The following PES1 variants were observed in gnomAD, a reference collection of about 807,000 sequenced individuals.
PES1 encodes the protein pescadillo homolog.
PES1 carries 31 observed loss-of-function variants against 77.1 expected under a neutral mutation model. The observed-to-expected ratio is 0.40, with a 90% CI of 0.30 to 0.54. The LOEUF (loss-of-function observed/expected upper bound fraction) is 0.54. Among genes scored for constraint, PES1 ranks in the 20% least tolerant of loss-of-function variants. PES1 has a pLI of 0.45. For synonymous variants in PES1, 282 were observed against 303.0 expected, an observed-to-expected ratio of 0.93 and a Z score of 0.72; for missense variants, 658 against 771.7, an observed-to-expected ratio of 0.85 and a Z score of 1.75.
intron 1 of PES1, among the ~76,000 whole-genome samples, chr22:30,605,926 G>A (rs1425797137): frequency 6.6e-6 from 1 of 152,230 alleles, no homozygotes; most frequent in Admixed American, 6.5e-5. Flanking sequence ...AATGATTGGA[G>A]ATATTTTAAG....
chr22:30,600,198 G>A (rs183976158), intron 2 of PES1, among the ~76,000 whole-genome samples: 40 of 152,258 alleles, frequency 2.6e-4, no homozygotes, highest in African/African-American at 9.1e-4. Context: ...GCCAGGTGTG[G>A]TGGCACAAGC....
intron 2 of PES1, among the ~76,000 whole-genome samples, chr22:30,602,219 TAGAG>T (rs1156899422): frequency 4.6e-5 from 7 of 152,120 alleles, no homozygotes; most frequent in Non-Finnish European, 7.4e-5. Context: ...GTTCTCATGA[TAGAG>T]AGGGAGTTCT....
chr22:30,585,839 G>A (rs192646542), intron 4 of PES1, among the ~76,000 whole-genome samples: 1 of 152,218 alleles, frequency 6.6e-6, no homozygotes, highest in Admixed American at 6.5e-5. Context: ...ACTCACTGCT[G>A]CGAGTCAGAA....
At chr22:30,599,947 T>A (rs1027128436) in intron 2 of PES1, among the ~76,000 whole-genome samples, 1 of 152,116 alleles carries the variant, frequency 6.6e-6, no homozygotes, top group African/African-American at 2.4e-5. Context: ...ATATGATAAA[T>A]GCTTATAAAT....
intron 2 of PES1, among the ~76,000 whole-genome samples, chr22:30,600,305 T>A (rs987519471): frequency 6.6e-6 from 1 of 152,130 alleles, no homozygotes; most frequent in African/African-American, 2.4e-5. Flanking sequence ...AGGTTTTTTA[T>A]CTTCAGCCTC....
rs1313965787 is a variant in PES1, at chr22:30,579,137, C to T, written c.1521G>A (p.Lys507=). The change falls in exon 13 of 15, where the codon AAG becomes AAA. Residue 507 remains lysine (K), a splice_region_variant and synonymous_variant. Coordinates refer to ENST00000354694, the MANE Select transcript of PES1 (RefSeq NM_014303.4). ...AGCCCCGCATTGCAGCTCCCCCTAC[C>T]TTCCCCTCCATCCTCTGCTCTTCCA... ...AALEEQRMEG[K]KPRVMAGTLK... The T allele has an allele frequency of 6.2e-7, 1 of 1,608,692 alleles. No individual in the cohort carries two copies. The highest frequency in any genetic ancestry group is 1.7e-5 in the Admixed American group (1 of 59,994).
upstream of PES1, among the ~76,000 whole-genome samples, chr22:30,596,685 A>G (rs4820876): frequency 0.6 from 91,450 of 151,686 alleles, 27,915 homozygotes; most frequent in Middle Eastern, 0.67. Flanking sequence ...GTACTGAGAG[A>G]TGATGCGTGC....
chr22:30,597,880 T>G (rs2087283937), intron 2 of PES1, among the ~76,000 whole-genome samples: 2 of 34,408 alleles, frequency 5.8e-5, no homozygotes, highest in South Asian at 6.1e-4. Context: ...AGTTGAAGTT[T>G]TGTTTTTTTT....
At position 30,597,895 on chromosome 22, in the gene PES1, T is replaced by C. The variant is rs79462069; in HGVS notation, c.-660-5497A>G. The stretch of plus-strand genomic sequence containing the variant: ...AGTTGAAGTTTTGTTTTTTTTTTTT[T>C]TGTTTTGAGTCGGAGTCTCACTCTG... On this transcript the variant is annotated intron_variant, in intron 2 of 16. Transcript: ENST00000402281. Among the ~76,000 whole-genome samples, 10 of 130,542 alleles carry C rather than the reference T, an allele frequency of 7.7e-5. No homozygotes were observed. In the East Asian group the frequency reaches 8.1e-4, roughly 11 times the overall value. 85.6% of individuals were successfully genotyped at this position (130,542 alleles called of 152,430 possible).
chr22:30,579,773 A>C lies in PES1; in HGVS notation c.1332T>G (p.Ala444=). The stretch of plus-strand genomic sequence containing the variant: ...CACCTGGGTCCTCTCCCCGCTGCAG[A>C]GCCAGCAGCTTCAGCTTCTCAGGTG... The part of the protein sequence containing the change: ...YVPPEKLKLL[A]LQRGEDPGNL... The change falls in exon 12 of 15, where the codon GCT becomes GCG. Residue 444 remains alanine, a synonymous_variant. Transcript: ENST00000354694. The C allele has an allele frequency of 6.2e-7, 1 of 1,613,860 alleles. No homozygotes were observed.
chr22:30,599,069 T>C (rs931689521), intron 2 of PES1, among the ~76,000 whole-genome samples: 4 of 151,772 alleles, frequency 2.6e-5, no homozygotes, highest in African/African-American at 9.7e-5. Flanking sequence ...AGCTACTTTT[T>C]GTATTTTTAG....
At chr22:30,579,081 C>G in intron 13 of PES1, 56 bp downstream of exon 13, 1 of 1,604,172 alleles carries the variant, frequency 6.2e-7, no homozygotes. Context: ...TAGGCCAGAG[C>G]AGGCACCAAG....
chr22:30,602,346 C>T (rs1298327889), intron 2 of PES1, among the ~76,000 whole-genome samples: 1 of 152,116 alleles, frequency 6.6e-6, no homozygotes, highest in Admixed American at 6.6e-5. Context: ...TTTTCTGAGG[C>T]CTCCCCAGCC....
At chr22:30,593,466 C>G (rs2087212309), upstream of PES1, among the ~76,000 whole-genome samples, 1 of 151,846 alleles carries the variant, frequency 6.6e-6, no homozygotes, top group African/African-American at 2.4e-5. Context: ...TGCACTCAAG[C>G]CTAGACGACA....
upstream of PES1, chr22:30,592,300 G>T: frequency 1.0e-6 from 1 of 992,730 alleles, no homozygotes; most frequent in Non-Finnish European, 1.2e-6. Flanking sequence ...GTCAGACTTC[G>T]GCTGCCGCTG....
chr22:30,584,302 C>G (rs1436673447), intron 6 of PES1, 63 bp downstream of exon 6: 2 of 1,299,196 alleles, frequency 1.5e-6, no homozygotes, highest in Admixed American at 3.9e-5. Context: ...ATCCCCCTTC[C>G]TCCACATCCA....
In PES1 at chr22:30,588,170, G is replaced by T. The variant is rs931354420; in HGVS notation, c.109C>A (p.Leu37Met). 1 of 1,614,212 alleles carries T rather than the reference G, an allele frequency of 6.2e-7. No individual in the cohort carries two copies. The highest frequency in any genetic ancestry group is 1.3e-5 in the African/African-American group (1 of 75,056). ...GGATAAATGCCCTTCAGAATGCACAGCCGCCTGGAAGACAGAGGCCATCTG... is the reference window on the plus strand; with the variant it reads ...GGATAAATGCCCTTCAGAATGCACATCCGCCTGGAAGACAGAGGCCATCTG... ...LQLSLADFRR[L>M]CILKGIYPHE... Residue 37 changes from leucine to methionine, a missense_variant, in exon 3 of 15, where the codon CTG becomes ATG. Coordinates refer to ENST00000354694, the MANE Select transcript of PES1 (RefSeq NM_014303.4).
intron 1 of PES1, among the ~76,000 whole-genome samples, chr22:30,605,747 A>AC (rs1418291897): frequency 6.6e-6 from 1 of 152,176 alleles, no homozygotes; most frequent in African/African-American, 2.4e-5. Flanking sequence ...TTCTGACTGG[A>AC]CAACCTATCA....
chr22:30,592,259 T>A, upstream of PES1: 1 of 1,003,760 alleles, frequency 1.0e-6, no homozygotes. Context: ...GCGATAGGAT[T>A]GCGTTGTCAA....
Sources: gnomAD v4.1 joint callset for allele counts (sites outside exome capture counted in the v4.1 genomes callset) on GRCh38, gnomAD v4.1.1 for gene constraint, MANE v1.5 for transcripts, NCBI Gene and HGNC (gene_info 2026-07-23, HGNC 2026-07-21) for gene names.